MLIP: variants seen among roughly 807,000 people sequenced by gnomAD.
The protein encoded by MLIP is muscular LMNA-interacting protein.
A neutral mutation model predicts 84.8 loss-of-function variants in MLIP; 79 were observed. The observed-to-expected ratio is 0.93, with a 90% confidence interval of 0.78 to 1.12. The LOEUF is 1.12. Among genes scored for constraint, MLIP ranks in the 50% most tolerant of loss-of-function variants. The probability of loss-of-function intolerance (pLI) is 0.00; values close to 1 mark genes in which losing one functional copy is unlikely to be tolerated. For missense variants in MLIP, 1,257 were observed against 1,160.6 expected (o/e 1.08, Z -1.21); for synonymous variants, 504 against 463.0 (o/e 1.09, Z -1.14).
rs1401369806 is a variant in MLIP, at chr6:54,175,289, A to G, written c.2544+5717A>G. Among the ~76,000 whole-genome samples the G allele has an allele frequency of 2.6e-5, 4 of 151,998 alleles. No homozygotes were observed. In the South Asian group the frequency reaches 6.2e-4, roughly 24 times the overall value. On this transcript the variant is annotated intron_variant, in intron 9 of 13. Transcript: ENST00000502396. ...TTATTCTATTTTTGTGAAGAATGTC[A>G]TTGGTATTTTGATAGGAATTGCTTT...
intron 9 of MLIP, among the ~76,000 whole-genome samples, chr6:54,188,556 A>T (rs2150667493): frequency 6.6e-6 from 1 of 152,280 alleles, no homozygotes; most frequent in Non-Finnish European, 1.5e-5. Context: ...TTAAGACGTT[A>T]CTAGGTGACA....
chr6:54,233,336 AC>A (rs1781134747), intron 12 of MLIP, among the ~76,000 whole-genome samples: 3 of 105,198 alleles, frequency 2.9e-5, no homozygotes, highest in Non-Finnish European at 5.9e-5. Flanking sequence ...CTAGCCCCCC[AC>A]CCCCCAACAG....
chr6:54,153,851 C>CCAA (rs1773729104), intron 5 of MLIP, among the ~76,000 whole-genome samples: 1 of 117,858 alleles, frequency 8.5e-6, no homozygotes, highest in Admixed American at 8.9e-5. Flanking sequence ...GACTCAGTCT[C>CCAA]AAAAAAAAAA....
At chr6:54,042,200 GTGAATAAAAC>G (rs1764783480) in intron 1 of MLIP, among the ~76,000 whole-genome samples, 2 of 152,026 alleles carry the variant, frequency 1.3e-5, no homozygotes, top group Admixed American at 1.3e-4. Context: ...CAGCCTTTCT[GTGAATAAAAC>G]TGAAAAGACT....
chr6:54,083,884 T>C (rs557649811), intron 1 of MLIP, among the ~76,000 whole-genome samples: 3 of 152,172 alleles, frequency 2.0e-5, no homozygotes, highest in Non-Finnish European at 4.4e-5. Context: ...GGTAAATTGT[T>C]GGTAGGAATG....
At chr6:54,118,359 C>G (rs1306855922) in intron 1 of MLIP, among the ~76,000 whole-genome samples, 2 of 152,096 alleles carry the variant, frequency 1.3e-5, no homozygotes, top group Non-Finnish European at 2.9e-5. Flanking sequence ...AGCTGAGAGT[C>G]CAGAAATAAA....
chr6:54,097,965 A>C (rs964633065), intron 1 of MLIP, among the ~76,000 whole-genome samples: 12 of 152,080 alleles, frequency 7.9e-5, no homozygotes, highest in African/African-American at 2.9e-4. Context: ...GAGAAACATC[A>C]AAGAGGAGAA....
chr6:54,179,919 C>T (rs541370762), intron 9 of MLIP, among the ~76,000 whole-genome samples: 17 of 152,192 alleles, frequency 1.1e-4, no homozygotes, highest in African/African-American at 3.6e-4. Flanking sequence ...TGATTTCTTC[C>T]TGCTCATTAA....
At chr6:54,134,094 A>C (rs141142417) in intron 3 of MLIP, among the ~76,000 whole-genome samples, 98 of 152,262 alleles carry the variant, frequency 6.4e-4, no homozygotes, top group African/African-American at 2.3e-3. Context: ...TAGAGGAAGA[A>C]GAGATGGAAA....
chr6:54,230,064 C>T (rs1279094873), intron 11 of MLIP, among the ~76,000 whole-genome samples: 1 of 152,130 alleles, frequency 6.6e-6, no homozygotes, highest in African/African-American at 2.4e-5. Flanking sequence ...GTTAAGGCCT[C>T]GTAACCTCCT....
intron 2 of MLIP, among the ~76,000 whole-genome samples, chr6:54,124,185 CCT>C (rs1051032386): frequency 1.3e-5 from 2 of 152,186 alleles, no homozygotes; most frequent in South Asian, 2.1e-4. Context: ...TTGCTCTCTC[CCT>C]CTCTCTCTTT....
At chr6:54,221,321 G>C (rs568740163) in intron 11 of MLIP, among the ~76,000 whole-genome samples, 4 of 152,032 alleles carry the variant, frequency 2.6e-5, no homozygotes, top group South Asian at 4.2e-4. Context: ...CATTTGCTAT[G>C]GAAATAAATA....
At chr6:54,242,353 T>C (rs570987831) in intron 12 of MLIP, among the ~76,000 whole-genome samples, 1 of 152,348 alleles carries the variant, frequency 6.6e-6, no homozygotes, top group Admixed American at 6.5e-5. Context: ...TGTGTAACGT[T>C]TATATTGGTA....
intron 1 of MLIP, among the ~76,000 whole-genome samples, chr6:54,087,742 G>T (rs750005130): frequency 4.6e-5 from 7 of 152,002 alleles, no homozygotes; most frequent in Non-Finnish European, 1.0e-4. Flanking sequence ...CTTGGGTGAT[G>T]CTGCCATTTA....
chr6:54,194,683 T>A (rs543516611), intron 10 of MLIP, among the ~76,000 whole-genome samples: 99 of 152,202 alleles, frequency 6.5e-4, no homozygotes, highest in African/African-American at 2.3e-3. Context: ...ATGCTGTTTT[T>A]TCTTTATCAA....
chr6:54,250,748 G>A (rs1782419416), intron 12 of MLIP, among the ~76,000 whole-genome samples: 1 of 151,980 alleles, frequency 6.6e-6, no homozygotes, highest in East Asian at 1.9e-4. Context: ...GCCCAATTGT[G>A]AGTAATTTCT....
intron 1 of MLIP, among the ~76,000 whole-genome samples, chr6:54,086,688 A>G (rs1046894577): frequency 1.3e-5 from 2 of 152,120 alleles, no homozygotes; most frequent in Non-Finnish European, 2.9e-5. Flanking sequence ...GCTCTTCCCC[A>G]GGGTCATTTT....
At chr6:54,093,587 G>A (rs1463888331) in intron 1 of MLIP, among the ~76,000 whole-genome samples, 1 of 152,102 alleles carries the variant, frequency 6.6e-6, no homozygotes, top group Non-Finnish European at 1.5e-5. Context: ...TAAAACACAA[G>A]TGGAATTTCA....
At chr6:54,154,334 T>C (rs1164746295) in intron 5 of MLIP, among the ~76,000 whole-genome samples, 1 of 152,162 alleles carries the variant, frequency 6.6e-6, no homozygotes, top group Non-Finnish European at 1.5e-5. Context: ...TAGGACAGAA[T>C]AAGCCTCATC....
Sources: allele counts gnomAD v4.1 joint callset (sites outside exome capture counted in the v4.1 genomes callset), GRCh38; gene constraint gnomAD v4.1.1; transcripts MANE v1.5; gene names NCBI Gene and HGNC (gene_info 2026-07-23, HGNC 2026-07-21).